ANKRD36: variants seen among roughly 807,000 people sequenced by gnomAD.
ANKRD36 encodes the protein ankyrin repeat domain 36.
Under a neutral mutation model 278.1 loss-of-function variants are expected in ANKRD36, and 179 were observed. The observed-to-expected ratio is 0.64, with a 90% CI of 0.57 to 0.73. The LOEUF (loss-of-function observed/expected upper bound fraction) is 0.73. Among genes scored for constraint, ANKRD36 ranks in the 30% least tolerant of loss-of-function variants. ANKRD36 has a pLI of 0.00. For synonymous variants in ANKRD36, 320 were observed against 641.1 expected (o/e 0.50, Z 7.57); for missense variants, 1,159 against 1,956.7 (o/e 0.59, Z 7.69).
In ANKRD36 at chr2:97,179,992, T is replaced by C; in HGVS notation, c.1735+59T>C. ...AATCAAGATGGAAGAGAACTTCCCT[T>C]ACCCAAATAAATCAGTGGGGAGTCC... On this transcript the variant is annotated intron_variant, in intron 24 of 75. Coordinates refer to ENST00000420699, the MANE Select transcript of ANKRD36 (RefSeq NM_001354587.1). 3 of 1,596,752 alleles carry C rather than the reference T, an allele frequency of 1.9e-6. No homozygotes were observed. In the Admixed American group the frequency reaches 5.1e-5, roughly 27 times the overall value.
intron 46 of ANKRD36, 30 bp from the exon 47 acceptor site, chr2:97,202,172 G>A (rs2061559822): frequency 1.2e-6 from 2 of 1,607,974 alleles, no homozygotes; most frequent in South Asian, 1.1e-5. Context: ...ATTTACGTAT[G>A]ACTGATTATG....
chr2:97,205,979 T>TC lies in ANKRD36; in HGVS notation c.3090+14dup. 2 of 1,554,036 alleles carry TC rather than the reference T, an allele frequency of 1.3e-6. No homozygotes were observed. The highest frequency in any genetic ancestry group is 1.7e-6 in the Non-Finnish European group (2 of 1,153,430). ...CCACCAACCTTGAAGGTAATGAAACTCCCATTTATATTGTGAACGAGTTAA... is the reference window on the plus strand; with the variant it reads ...CCACCAACCTTGAAGGTAATGAAACTCCCCATTTATATTGTGAACGAGTTAA... On this transcript the variant is annotated intron_variant, in intron 51 of 75. Coordinates refer to ENST00000420699, the MANE Select transcript of ANKRD36 (RefSeq NM_001354587.1).
chr2:97,134,988 CA>C (rs2041123737), intron 6 of ANKRD36, among the ~76,000 whole-genome samples: 1 of 152,042 alleles, frequency 6.6e-6, no homozygotes, highest in African/African-American at 2.4e-5. Context: ...TAGAACTAAG[CA>C]AGCTTACCGC....
rs527312761 is a variant in ANKRD36 at position 97,151,941 on chromosome 2, T to G, written c.1162+2T>G. ...TTTCTCCACGATCTATAAAAGATGG[T>G]AAGTTATTTGAAGGCTGCCTATTGT... On this transcript the variant is annotated splice_donor_variant, in intron 13 of 75. Transcript: ENST00000420699. LOFTEE classifies it high-confidence loss of function. 1 of 1,455,996 alleles carries G rather than the reference T, an allele frequency of 6.9e-7. No homozygotes were observed. Among genetic ancestry groups the G allele is most frequent in the East Asian group, 2.5e-5 (1 of 40,024 alleles). The allele number at this position is 1,455,996 out of a possible 1,614,324, so 90.2% of individuals were successfully genotyped here.
rs754243921 is a variant in ANKRD36, at chr2:97,243,975, G to T, written c.4437G>T (p.Pro1479=). ...CTGATGTGACAAAACCAATTAAACCGGCTCTCAAATCAGCAGAGGTGGAAT... is the reference window on the plus strand; with the variant it reads ...CTGATGTGACAAAACCAATTAAACCTGCTCTCAAATCAGCAGAGGTGGAAT... ...IEADVTKPIK[P]ALKSAEVELK... The change falls in exon 70 of 76, where the codon CCG becomes CCT. Residue 1479 remains proline (P), a synonymous_variant. Transcript: ENST00000420699. The T allele has an allele frequency of 6.3e-7, 1 of 1,597,692 alleles. No homozygotes were observed. The highest frequency in any genetic ancestry group is 1.4e-5 in the African/African-American group (1 of 73,684).
chr2:97,220,729 C>CTTTT lies in ANKRD36; in HGVS notation c.3877+1498_3877+1501dup. ...CTCTTTTATAATACTGATTTTCTTG[C>CTTTT]TTTTTTTTTTTTTTTTTTAATTTTT... On this transcript the variant is annotated intron_variant, in intron 66 of 75. Transcript: ENST00000420699. 7.9e-3 allele frequency among the ~76,000 whole-genome samples: 525 copies of CTTTT among 66,384 alleles called. 8 individuals carry two copies. The highest frequency in any genetic ancestry group is 0.031 in the African/African-American group (494 of 15,684). 43.6% of individuals were successfully genotyped at this position (66,384 alleles called of 152,430 possible). A position where few individuals can be genotyped will look rare whatever the true frequency, so the allele number is the denominator to read the frequency against.
At chr2:97,226,696 T>C (rs1280133086) in intron 67 of ANKRD36, among the ~76,000 whole-genome samples, 5 of 151,884 alleles carry the variant, frequency 3.3e-5, no homozygotes, top group Admixed American at 2.6e-4. Context: ...ATGAAGTCCT[T>C]GCCCATGCCT....
rs1001378205 is a variant in ANKRD36 at position 97,196,636 on chromosome 2, A to G, written c.2580+15A>G. On this transcript the variant is annotated intron_variant, in intron 41 of 75. Transcript: ENST00000420699. ...CAACCTTGAAGGTAATGAAACTCCC[A>G]TTTATCATGTGAACGAGTTAATGTA... 4 of 1,603,952 alleles carry G rather than the reference A, an allele frequency of 2.5e-6. No homozygotes were observed. Among genetic ancestry groups the G allele is most frequent in the African/African-American group, 2.7e-5 (2 of 74,742 alleles).
At chr2:97,155,893 CTTTT>C (rs1305962872) in intron 15 of ANKRD36, among the ~76,000 whole-genome samples, 2 of 145,528 alleles carry the variant, frequency 1.4e-5, no homozygotes, top group South Asian at 4.2e-4. Flanking sequence ...GGGAAATGGG[CTTTT>C]TTTTAATGGA....
At chr2:97,132,119 C>G (rs2040344617) in intron 6 of ANKRD36, among the ~76,000 whole-genome samples, 2 of 151,010 alleles carry the variant, frequency 1.3e-5, no homozygotes. Flanking sequence ...GAGCCACCGC[C>G]CCCAGCCTAC....
chr2:97,139,220 T>C (rs2042256903), intron 6 of ANKRD36, among the ~76,000 whole-genome samples: 1 of 152,036 alleles, frequency 6.6e-6, no homozygotes, highest in Non-Finnish European at 1.5e-5. Flanking sequence ...ACAGTCATTC[T>C]GAGCTGTTAT....
At chr2:97,226,088 T>G (rs1259604894) in intron 67 of ANKRD36, among the ~76,000 whole-genome samples, 3 of 151,706 alleles carry the variant, frequency 2.0e-5, no homozygotes, top group African/African-American at 7.3e-5. Context: ...AAAACATATG[T>G]GTGCATGTGT....
chr2:97,207,673 C>T (rs1324829025), intron 52 of ANKRD36, 138 bp from the exon 53 acceptor site: 1 of 1,381,146 alleles, frequency 7.2e-7, no homozygotes, highest in Admixed American at 2.0e-5. Context: ...GTTCTAGTCC[C>T]CAGACACAAA....
intron 48 of ANKRD36, among the ~76,000 whole-genome samples, chr2:97,202,934 C>G (rs1575818550): frequency 6.6e-6 from 1 of 151,708 alleles, no homozygotes; most frequent in Admixed American, 6.6e-5. Flanking sequence ...GAACTCACTT[C>G]AGATGCATTT....
At position 97,209,819 on chromosome 2, in the gene ANKRD36, A is replaced by T. The variant is rs761486787; in HGVS notation, c.3314A>T (p.Asp1105Val). 1 of 1,599,594 alleles carries T rather than the reference A, an allele frequency of 6.3e-7. No individual in the cohort carries two copies. Among genetic ancestry groups the T allele is most frequent in the South Asian group, 1.1e-5 (1 of 89,410 alleles). ...PALKATSDEK[D>V]SVLYIAREKK... The stretch of plus-strand genomic sequence containing the variant: ...ATTCAGGCTACAAGTGACGAGAAAG[A>T]TTCTGTTTTGTATATAGCCAGAGAA... The change falls in exon 56 of 76, where the codon GAT (aspartate) becomes GTT (valine). Residue 1105 changes from aspartate to valine, a missense_variant. Coordinates refer to ENST00000420699, the MANE Select transcript of ANKRD36 (RefSeq NM_001354587.1).
chr2:97,173,254 C>T (rs998513639), intron 22 of ANKRD36, among the ~76,000 whole-genome samples: 2 of 151,256 alleles, frequency 1.3e-5, no homozygotes, highest in Admixed American at 1.3e-4. Context: ...TAAAAGTGTT[C>T]ATATCCTGGA....
intron 6 of ANKRD36, among the ~76,000 whole-genome samples, chr2:97,131,338 A>G (rs1274194371): frequency 1.3e-5 from 2 of 151,986 alleles, no homozygotes; most frequent in African/African-American, 2.4e-5. Context: ...TGCTACAAGC[A>G]TATGCCACCA....
intron 46 of ANKRD36, among the ~76,000 whole-genome samples, chr2:97,201,773 G>A (rs1296717985): frequency 1.3e-5 from 2 of 151,930 alleles, no homozygotes; most frequent in Non-Finnish European, 2.9e-5. Flanking sequence ...GCATGTTAAA[G>A]AGCATGATGA....
chr2:97,208,188 C>T (rs2063385820), intron 54 of ANKRD36, among the ~76,000 whole-genome samples, 182 bp downstream of exon 54: 1 of 146,320 alleles, frequency 6.8e-6, no homozygotes, highest in Non-Finnish European at 1.5e-5. Flanking sequence ...ATGATCTTCG[C>T]AGTAAGATTA....
Sources: allele counts gnomAD v4.1 joint callset (sites outside exome capture counted in the v4.1 genomes callset), GRCh38; gene constraint gnomAD v4.1.1; transcripts MANE v1.5; gene names NCBI Gene and HGNC (gene_info 2026-07-23, HGNC 2026-07-21).